Variants in CEP85L observed in about 807,000 individuals in gnomAD.
CEP85L encodes centrosomal protein of 85 kDa-like.
CEP85L carries 60 observed loss-of-function variants against 100.3 expected under a neutral mutation model. The observed-to-expected ratio is 0.60, with a 90% confidence interval of 0.49 to 0.74. The LOEUF (loss-of-function observed/expected upper bound fraction) is 0.74, where lower values mean the gene tolerates loss of function less well. Among genes scored for constraint, CEP85L ranks in the 30% least tolerant of loss-of-function variants. The pLI, the probability that CEP85L is intolerant of heterozygous loss-of-function variation, is 0.00. For missense variants in CEP85L, 973 were observed against 936.2 expected (o/e 1.04, Z -0.51); for synonymous variants, 319 against 322.7 (o/e 0.99, Z 0.12).
At chr6:118,559,945 A>G (rs890326578) in intron 3 of CEP85L, 1 of 167,046 alleles carries the variant, frequency 6.0e-6, no homozygotes, top group Admixed American at 6.5e-5. Flanking sequence ...CTAGCTTACC[A>G]TACTATATCT....
chr6:118,486,618 G>A lies in CEP85L; in HGVS notation c.1438-2760C>T, dbSNP rs191555986. Among the ~76,000 whole-genome samples, 3 of 152,200 alleles carry A rather than the reference G, an allele frequency of 2.0e-5. No individual in the cohort carries two copies. In the East Asian group the frequency reaches 5.8e-4, roughly 29 times the overall value. On this transcript the variant is annotated intron_variant, in intron 6 of 12. Transcript: ENST00000368491. ...AAGGAGCCTGCTCTTCCTAATCTAT[G>A]CACTCCCTTGAAGAACTCAAGTCAT...
At chr6:118,630,761 C>T (rs62422226) in intron 2 of CEP85L, among the ~76,000 whole-genome samples, 1 of 152,196 alleles carries the variant, frequency 6.6e-6, no homozygotes, top group African/African-American at 2.4e-5. Flanking sequence ...CGGTCAGTGG[C>T]CTGTTGGGAG....
intron 5 of CEP85L, among the ~76,000 whole-genome samples, chr6:118,507,745 C>G (rs1582938194): frequency 6.6e-6 from 1 of 152,210 alleles, no homozygotes; most frequent in Non-Finnish European, 1.5e-5. Flanking sequence ...CCTTCACCCC[C>G]TTCACCTGGC....
intron 2 of CEP85L, among the ~76,000 whole-genome samples, chr6:118,627,742 A>G (rs1230595820): frequency 1.3e-5 from 2 of 152,226 alleles, no homozygotes. Flanking sequence ...AGGGAAGATA[A>G]AAGGGTCCAT....
At chr6:118,639,746 T>A (rs925831538) in intron 1 of CEP85L, among the ~76,000 whole-genome samples, 1 of 152,234 alleles carries the variant, frequency 6.6e-6, no homozygotes, top group African/African-American at 2.4e-5. Flanking sequence ...TGCACACTTA[T>A]ACAGGGTCTC....
chr6:118,646,143 T>C (rs1181944353), intron 1 of CEP85L, among the ~76,000 whole-genome samples: 1 of 151,758 alleles, frequency 6.6e-6, no homozygotes, highest in Non-Finnish European at 1.5e-5. Flanking sequence ...CTTGAACCCA[T>C]GAGGCGGAGG....
At chr6:118,643,053 A>C (rs1274139448) in intron 1 of CEP85L, among the ~76,000 whole-genome samples, 2 of 152,236 alleles carry the variant, frequency 1.3e-5, no homozygotes, top group Non-Finnish European at 2.9e-5. Context: ...AATATATACA[A>C]CTTGGTATTT....
intron 4 of CEP85L, among the ~76,000 whole-genome samples, chr6:118,513,570 C>T (rs1330854753): frequency 6.6e-6 from 1 of 151,990 alleles, no homozygotes; most frequent in Non-Finnish European, 1.5e-5. Context: ...AATTTAAAAG[C>T]TCTCAACCTA....
chr6:118,624,270 A>C (rs4946350), intron 2 of CEP85L, among the ~76,000 whole-genome samples: 72,686 of 152,026 alleles, frequency 0.48, 17,779 homozygotes, highest in Middle Eastern at 0.58. Flanking sequence ...ATACTGTTTC[A>C]TCATATTAAA....
upstream of CEP85L, chr6:118,651,884 GCCCT>G: frequency 1.0e-6 from 1 of 985,486 alleles, no homozygotes; most frequent in Non-Finnish European, 1.2e-6. Flanking sequence ...AATCCCTCAC[GCCCT>G]CCCTCCGGGC....
intron 3 of CEP85L, among the ~76,000 whole-genome samples, chr6:118,553,981 A>G (rs988902234): frequency 6.6e-6 from 1 of 152,192 alleles, no homozygotes; most frequent in Admixed American, 6.5e-5. Context: ...TTAATCTGTC[A>G]ATCACAGCAT....
chr6:118,648,534 G>A (rs973326646), intron 1 of CEP85L, among the ~76,000 whole-genome samples: 2 of 152,098 alleles, frequency 1.3e-5, no homozygotes, highest in African/African-American at 4.8e-5. Flanking sequence ...GAGGTCAGGA[G>A]ATCGAGACCA....
chr6:118,547,520 G>A (rs1778276509), intron 3 of CEP85L, among the ~76,000 whole-genome samples: 1 of 151,938 alleles, frequency 6.6e-6, no homozygotes, highest in Non-Finnish European at 1.5e-5. Flanking sequence ...TACTGCATCA[G>A]TTTATTAAAA....
chr6:118,597,155 ACT>A (rs1211467500), intron 2 of CEP85L, among the ~76,000 whole-genome samples: 2 of 152,216 alleles, frequency 1.3e-5, no homozygotes, highest in South Asian at 2.1e-4. Flanking sequence ...GCCATGTGGA[ACT>A]CTGAGTCCAT....
At chr6:118,542,474 A>G (rs919302990) in intron 3 of CEP85L, among the ~76,000 whole-genome samples, 1 of 152,184 alleles carries the variant, frequency 6.6e-6, no homozygotes, top group African/African-American at 2.4e-5. Flanking sequence ...CTTTCAAAAT[A>G]ACCACATTTT....
chr6:118,472,597 A>G lies in CEP85L; in HGVS notation c.1915-1953T>C, dbSNP rs559683869. Among the ~76,000 whole-genome samples the G allele has an allele frequency of 2.6e-5, 4 of 152,340 alleles. No homozygotes were observed. In the East Asian group the frequency reaches 7.7e-4, roughly 29 times the overall value. Reference sequence around the variant, plus strand: ...CAAGAATACTGTGCGTTATTTTATAAATACTTTTTGCAGAGCATTTTTTTG... The same window carrying G: ...CAAGAATACTGTGCGTTATTTTATAGATACTTTTTGCAGAGCATTTTTTTG... On this transcript the variant is annotated intron_variant, in intron 10 of 12. Transcript: ENST00000368491.
intron 3 of CEP85L, among the ~76,000 whole-genome samples, chr6:118,525,138 T>C (rs991331553): frequency 2.0e-5 from 3 of 152,232 alleles, no homozygotes; most frequent in African/African-American, 7.2e-5. Context: ...CAGTAGTAAG[T>C]ATATCCATAG....
chr6:118,696,331 G>A (rs1247207515), intron 1 of CEP85L, among the ~76,000 whole-genome samples: 1 of 152,078 alleles, frequency 6.6e-6, no homozygotes, highest in African/African-American at 2.4e-5. Flanking sequence ...TCCAAATCCA[G>A]AATAAGTAAT....
intron 5 of CEP85L, among the ~76,000 whole-genome samples, chr6:118,492,250 TAAGTA>T (rs1256566380): frequency 6.6e-6 from 1 of 152,116 alleles, no homozygotes; most frequent in African/African-American, 2.4e-5. Context: ...GTGAAAGTTC[TAAGTA>T]AATAAATAAA....
Sources: allele counts gnomAD v4.1 joint callset (sites outside exome capture counted in the v4.1 genomes callset), GRCh38; gene constraint gnomAD v4.1.1; transcripts MANE v1.5; gene names NCBI Gene and HGNC (gene_info 2026-07-23, HGNC 2026-07-21).